Variants in SLC24A2 observed in about 807,000 individuals in gnomAD.
The protein encoded by SLC24A2 is sodium/potassium/calcium exchanger 2.
Under a neutral mutation model 62.0 loss-of-function variants are expected in SLC24A2, and 36 were observed. That is an observed-to-expected ratio of 0.58 (90% CI 0.44 to 0.77). SLC24A2 has a LOEUF of 0.77. Ranked by LOEUF, SLC24A2 falls within the 30% of genes least tolerant of loss-of-function variation. The probability of loss-of-function intolerance (pLI) is 0.00; values close to 1 mark genes in which losing one functional copy is unlikely to be tolerated. For synonymous variants in SLC24A2, 358 were observed against 294.0 expected (o/e 1.22, Z -2.23); for missense variants, 846 against 817.9 (o/e 1.03, Z -0.42).
At chr9:19,625,314 AATTT>A (rs1818006162) in intron 2 of SLC24A2, among the ~76,000 whole-genome samples, 1 of 152,156 alleles carries the variant, frequency 6.6e-6, no homozygotes, top group African/African-American at 2.4e-5. Context: ...TAAATAAATA[AATTT>A]AATGAATACA....
chr9:19,906,650 C>A, the SLC24A2 span, among the ~76,000 whole-genome samples: 1 of 152,072 alleles, frequency 6.6e-6, no homozygotes, highest in African/African-American at 2.4e-5. Flanking sequence ...GGGGATATCA[C>A]CACCGATCCC....
the SLC24A2 span, among the ~76,000 whole-genome samples, chr9:20,144,789 T>C: frequency 6.6e-6 from 1 of 152,110 alleles, no homozygotes; most frequent in African/African-American, 2.4e-5. Flanking sequence ...CGGTGCTATA[T>C]TCTGCATTCA....
chr9:19,571,333 A>G (rs1835830925), intron 7 of SLC24A2, among the ~76,000 whole-genome samples: 1 of 152,240 alleles, frequency 6.6e-6, no homozygotes, highest in African/African-American at 2.4e-5. Flanking sequence ...TGTTAAATGA[A>G]GAAACTTTCC....
the SLC24A2 span, among the ~76,000 whole-genome samples, chr9:20,246,849 T>C: frequency 6.6e-6 from 1 of 152,098 alleles, no homozygotes; most frequent in Admixed American, 6.5e-5. Context: ...TCTGCACCAG[T>C]CCCAACTGAA....
the SLC24A2 span, among the ~76,000 whole-genome samples, chr9:19,845,887 CTG>C: frequency 9.8e-3 from 1,483 of 151,968 alleles, 8 homozygotes; most frequent in Non-Finnish European, 0.014. Flanking sequence ...TTCCATGTAA[CTG>C]TGTGTTTTTA....
chr9:19,760,250 G>A (rs529286589), intron 2 of SLC24A2, among the ~76,000 whole-genome samples: 106 of 151,936 alleles, frequency 7.0e-4, no homozygotes, highest in African/African-American at 1.8e-3. Context: ...AGGATCCCCC[G>A]CCCATTCCCC....
At chr9:19,565,772 G>C (rs1835624990) in intron 7 of SLC24A2, among the ~76,000 whole-genome samples, 1 of 152,008 alleles carries the variant, frequency 6.6e-6, no homozygotes, top group African/African-American at 2.4e-5. Flanking sequence ...CAGAAATATA[G>C]ACCAATGGAA....
At chr9:20,305,347 C>T in the SLC24A2 span, among the ~76,000 whole-genome samples, 1 of 151,952 alleles carries the variant, frequency 6.6e-6, no homozygotes, top group Non-Finnish European at 1.5e-5. Context: ...ACCTCATGAT[C>T]GACCCCCTCG....
chr9:19,767,126 CGGCA>C (rs1822540437), intron 2 of SLC24A2, among the ~76,000 whole-genome samples: 1 of 152,180 alleles, frequency 6.6e-6, no homozygotes, highest in Non-Finnish European at 1.5e-5. Flanking sequence ...GCCTTAGTCA[CGGCA>C]GGCACCCCTC....
intron 2 of SLC24A2, among the ~76,000 whole-genome samples, chr9:19,687,328 A>T (rs942502899): frequency 2.6e-5 from 4 of 152,136 alleles, no homozygotes; most frequent in Non-Finnish European, 5.9e-5. Context: ...GGGGTATGTA[A>T]TGTATAAAAT....
chr9:19,601,061 T>G (rs1432482359), intron 4 of SLC24A2, among the ~76,000 whole-genome samples: 9 of 151,882 alleles, frequency 5.9e-5, no homozygotes, highest in South Asian at 2.1e-4. Context: ...ACTCTGTAGC[T>G]CCATTGTAAA....
the SLC24A2 span, among the ~76,000 whole-genome samples, chr9:19,906,221 A>G: frequency 6.6e-6 from 1 of 152,220 alleles, no homozygotes; most frequent in East Asian, 1.9e-4. Flanking sequence ...CTGCTCCTGA[A>G]TGACTACTGG....
At chr9:20,264,298 G>C in the SLC24A2 span, among the ~76,000 whole-genome samples, 1 of 152,192 alleles carries the variant, frequency 6.6e-6, no homozygotes, top group African/African-American at 2.4e-5. Flanking sequence ...ATGAGTTCCT[G>C]CTTGTAAAGT....
At chr9:19,897,918 G>T in the SLC24A2 span, among the ~76,000 whole-genome samples, 1 of 152,286 alleles carries the variant, frequency 6.6e-6, no homozygotes, top group South Asian at 2.1e-4. Flanking sequence ...TACCACGCGT[G>T]TTATTCCCCA....
At chr9:19,704,920 T>C (rs1235118269) in intron 2 of SLC24A2, among the ~76,000 whole-genome samples, 2 of 152,252 alleles carry the variant, frequency 1.3e-5, no homozygotes, top group South Asian at 2.1e-4. Flanking sequence ...CAAGTATTTC[T>C]AGTGGTATTA....
At chr9:20,293,639 C>T in the SLC24A2 span, among the ~76,000 whole-genome samples, 2 of 152,200 alleles carry the variant, frequency 1.3e-5, no homozygotes, top group African/African-American at 4.8e-5. Flanking sequence ...ATACCCTTCA[C>T]TGGGCGGGGT....
chr9:20,060,243 T>C, the SLC24A2 span, among the ~76,000 whole-genome samples: 4 of 152,042 alleles, frequency 2.6e-5, no homozygotes, highest in East Asian at 7.7e-4. Flanking sequence ...AAGAAAAACA[T>C]CAATCCTTTT....
the SLC24A2 span, among the ~76,000 whole-genome samples, chr9:20,093,760 A>G: frequency 6.6e-6 from 1 of 152,204 alleles, no homozygotes; most frequent in Non-Finnish European, 1.5e-5. Context: ...TGCTAGCACA[A>G]TAGGGTGACA....
At chr9:20,254,081 G>C in the SLC24A2 span, among the ~76,000 whole-genome samples, 5,013 of 152,280 alleles carry the variant, frequency 0.033, 210 homozygotes, top group African/African-American at 0.1. Flanking sequence ...ACTGCTGATA[G>C]TAGCTTTCAG....
Sources: gnomAD v4.1 joint callset for allele counts (sites outside exome capture counted in the v4.1 genomes callset) on GRCh38, gnomAD v4.1.1 for gene constraint, MANE v1.5 for transcripts, NCBI Gene and HGNC (gene_info 2026-07-23, HGNC 2026-07-21) for gene names.